TTC33: variants seen among roughly 807,000 people sequenced by gnomAD.
TTC33 encodes the protein tetratricopeptide repeat protein 33.
TTC33 carries 24 observed loss-of-function variants against 29.4 expected under a neutral mutation model. The ratio of observed to expected loss-of-function variants is 0.82; its 90% CI spans 0.59 to 1.15. TTC33 has a LOEUF of 1.15. Ranked by LOEUF, TTC33 falls within the 50% of genes most tolerant of loss-of-function variation. The pLI, the probability that TTC33 is intolerant of heterozygous loss-of-function variation, is 0.00. For synonymous variants in TTC33, 107 were observed against 100.3 expected (o/e 1.07, Z -0.40); for missense variants, 286 against 310.4 (o/e 0.92, Z 0.59).
At chr5:40,746,726 T>C (rs1056324878) in intron 2 of TTC33, 72 bp downstream of exon 2, 2 of 1,102,660 alleles carry the variant, frequency 1.8e-6, no homozygotes, top group South Asian at 3.2e-5. Flanking sequence ...TTCATAACTC[T>C]TCATCCCATT....
intron 4 of TTC33, among the ~76,000 whole-genome samples, chr5:40,723,437 T>TA (rs1246143370): frequency 1.4e-5 from 2 of 147,446 alleles, no homozygotes; most frequent in East Asian, 2.0e-4. Flanking sequence ...CAATAAATAC[T>TA]AAAAAAATTT....
rs1741902623 is a variant in TTC33, at chr5:40,711,724, T to C, written c.*4421A>G. Among the ~76,000 whole-genome samples, 1 of 152,108 alleles carries C rather than the reference T, an allele frequency of 6.6e-6. No homozygotes were observed. Among genetic ancestry groups the C allele is most frequent in the Admixed American group, 6.6e-5 (1 of 15,264 alleles). On this transcript the variant is annotated 3_prime_UTR_variant, in exon 5 of 5. Transcript: ENST00000337702. Reference sequence around the variant, plus strand: ...GCAATAAAAAGGAACTTATTATTGATACACATGATAACATGGATGAATCTC... The same window carrying C: ...GCAATAAAAAGGAACTTATTATTGACACACATGATAACATGGATGAATCTC...
intron 2 of TTC33, among the ~76,000 whole-genome samples, chr5:40,742,898 A>T (rs1345763391): frequency 6.6e-6 from 1 of 152,208 alleles, no homozygotes; most frequent in African/African-American, 2.4e-5. Flanking sequence ...CTAGCTTATA[A>T]AAACGTTTTT....
In TTC33 at chr5:40,716,182, G is replaced by T. The variant is rs1350264014; in HGVS notation, c.752C>A (p.Thr251Lys). The change falls in exon 5 of 5, where the codon ACA becomes AAA. Residue 251 changes from threonine to lysine, a missense_variant. By Grantham distance (78) the Thr-to-Lys change is moderately conservative. Transcript: ENST00000337702. The stretch of plus-strand genomic sequence containing the variant: ...GATAAAAACAGAGCCATCTGGTGGT[G>T]TAGCACCATCCTCCTTTTCAGTTAC... ...ETVTEKEDGATPPDGSVFIKA... is the reference protein window; with the variant it reads ...ETVTEKEDGAKPPDGSVFIKA... 3.1e-6 allele frequency: 5 copies of T among 1,613,538 alleles called. No individual in the cohort carries two copies. Among genetic ancestry groups the T allele is most frequent in the Non-Finnish European group, 4.2e-6 (5 of 1,179,682 alleles).
chr5:40,751,961 GAAAAAAA>G (rs61319403), intron 1 of TTC33, among the ~76,000 whole-genome samples: 1 of 126,918 alleles, frequency 7.9e-6, no homozygotes, highest in East Asian at 2.3e-4. Flanking sequence ...CGTCTCAAAA[GAAAAAAA>G]AAAAAAAAAA....
chr5:40,749,819 G>A (rs1004728488), intron 1 of TTC33, among the ~76,000 whole-genome samples: 1 of 152,226 alleles, frequency 6.6e-6, no homozygotes, highest in Non-Finnish European at 1.5e-5. Context: ...GCTAGGTGCA[G>A]TGGCTCACGC....
chr5:40,745,820 G>A (rs780565129), intron 2 of TTC33, among the ~76,000 whole-genome samples: 1 of 151,728 alleles, frequency 6.6e-6, no homozygotes, highest in Non-Finnish European at 1.5e-5. Flanking sequence ...CCGCATCCTC[G>A]AACTCCTGGG....
rs3805497 is a variant in TTC33, at chr5:40,746,783, A to T, written c.221+15T>A. 0.27 allele frequency: 424,623 copies of T among 1,580,894 alleles called. 58,773 individuals are homozygous for T. Among genetic ancestry groups the T allele is most frequent in the East Asian group, 0.56 (24,937 of 44,250 alleles). On this transcript the variant is annotated intron_variant, in intron 2 of 4. Coordinates refer to ENST00000337702, the MANE Select transcript of TTC33 (RefSeq NM_012382.3). ...GTAAGCTCTTCTCCATAAAAAAAAAACTTTAAATACATACCTTTTATTTTC... is the reference window on the plus strand; with the variant it reads ...GTAAGCTCTTCTCCATAAAAAAAAATCTTTAAATACATACCTTTTATTTTC...
chr5:40,717,729 T>C (rs1330228411), intron 4 of TTC33, among the ~76,000 whole-genome samples: 2 of 152,208 alleles, frequency 1.3e-5, no homozygotes, highest in African/African-American at 4.8e-5. Context: ...ATACTTAGTC[T>C]CTGGATAGAA....
intron 4 of TTC33, among the ~76,000 whole-genome samples, chr5:40,719,722 C>A (rs1742085628): frequency 6.6e-6 from 1 of 152,146 alleles, no homozygotes; most frequent in Admixed American, 6.5e-5. Context: ...TATTGTCCAT[C>A]TTTTTTATGA....
intron 2 of TTC33, among the ~76,000 whole-genome samples, chr5:40,737,714 A>C (rs1742585633): frequency 6.6e-6 from 1 of 152,198 alleles, no homozygotes; most frequent in Non-Finnish European, 1.5e-5. Context: ...GTCAATCCAA[A>C]AAGTTTTCTG....
intron 2 of TTC33, among the ~76,000 whole-genome samples, chr5:40,731,474 G>A (rs532230976): frequency 6.6e-6 from 1 of 152,266 alleles, no homozygotes; most frequent in Admixed American, 6.5e-5. Context: ...GTACCACAGG[G>A]CTGGGGAGGC....
At chr5:40,744,224 A>C (rs757646296) in intron 2 of TTC33, among the ~76,000 whole-genome samples, 95 of 152,356 alleles carry the variant, frequency 6.2e-4, no homozygotes, top group Middle Eastern at 6.8e-3. Flanking sequence ...TATGCCTAAA[A>C]TACCACAAAT....
At chr5:40,737,875 T>A (rs905122869) in intron 2 of TTC33, among the ~76,000 whole-genome samples, 1 of 152,228 alleles carries the variant, frequency 6.6e-6, no homozygotes, top group Non-Finnish European at 1.5e-5. Context: ...TTAGCATGTT[T>A]CTGAGATGTC....
In TTC33 at chr5:40,716,412, G is replaced by A; in HGVS notation, c.522C>T (p.Leu174=). The change falls in exon 5 of 5, where the codon CTC becomes CTT. Residue 174 remains leucine (L), a synonymous_variant. Transcript: ENST00000337702. ...TCTGTGCTACCTTCTGCTGCTCCTG[G>A]AGCGTTCTTGCCCAAGAGAGGTCTT... The part of the protein sequence containing the change: ...WKEDLSWART[L]QEQQKVAQRI... 1 of 1,613,838 alleles carries A rather than the reference G, an allele frequency of 6.2e-7. No homozygotes were observed. Among genetic ancestry groups the A allele is most frequent in the South Asian group, 1.1e-5 (1 of 91,082 alleles).
At chr5:40,731,490 G>A (rs1742426235) in intron 2 of TTC33, among the ~76,000 whole-genome samples, 1 of 152,190 alleles carries the variant, frequency 6.6e-6, no homozygotes, top group Non-Finnish European at 1.5e-5. Flanking sequence ...GAGGCCTCAG[G>A]AAACTTACAA....
At chr5:40,753,917 G>A (rs1161631508) in intron 1 of TTC33, among the ~76,000 whole-genome samples, 92 of 150,834 alleles carry the variant, frequency 6.1e-4, no homozygotes, top group African/African-American at 2.1e-3. Context: ...AGAAAAAAAA[G>A]TAAAAAAAAA....
chr5:40,714,037 G>C lies in TTC33; in HGVS notation c.*2108C>G, dbSNP rs1453244367. Among the ~76,000 whole-genome samples the C allele has an allele frequency of 1.3e-5, 2 of 152,000 alleles. No homozygotes were observed. ...TAAACTATTTTATGTCTTATATCTG[G>C]GTAAGAAAGAGACTAACTTGGCCTA... On this transcript the variant is annotated 3_prime_UTR_variant, in exon 5 of 5. Coordinates refer to ENST00000337702, the MANE Select transcript of TTC33 (RefSeq NM_012382.3).
chr5:40,730,476 A>G lies in TTC33; in HGVS notation c.222-133T>C, dbSNP rs904767157. ...TTAAGTGTACAGTTCAGAGGCATTA[A>G]GTAGCATTAAGTACATATAGTTCAT... On this transcript the variant is annotated intron_variant, in intron 2 of 4. Coordinates refer to ENST00000337702, the MANE Select transcript of TTC33 (RefSeq NM_012382.3). 3 of 601,850 alleles carry G rather than the reference A, an allele frequency of 5.0e-6. No homozygotes were observed. In the African/African-American group the frequency reaches 5.6e-5, roughly 11 times the overall value. The allele number at this position is 601,850 out of a possible 1,614,324, so 37.3% of individuals were successfully genotyped here.
Sources: allele counts gnomAD v4.1 joint callset (sites outside exome capture counted in the v4.1 genomes callset), GRCh38; gene constraint gnomAD v4.1.1; transcripts MANE v1.5; gene names NCBI Gene and HGNC (gene_info 2026-07-23, HGNC 2026-07-21).